The following HS6ST3 variants were observed in gnomAD, a reference collection of about 807,000 sequenced individuals.
HS6ST3 encodes the protein heparan-sulfate 6-O-sulfotransferase 3.
Under a neutral mutation model 36.7 loss-of-function variants are expected in HS6ST3, and 12 were observed. That is an observed-to-expected ratio of 0.33 (90% CI 0.21 to 0.53). HS6ST3 has a LOEUF of 0.53. Ranked by LOEUF, HS6ST3 falls within the 20% of genes least tolerant of loss-of-function variation. HS6ST3 has a pLI of 0.95. For missense variants in HS6ST3, 584 were observed against 640.9 expected, an observed-to-expected ratio of 0.91 and a Z score of 0.96; for synonymous variants, 240 against 257.5, an observed-to-expected ratio of 0.93 and a Z score of 0.65.
intron 1 of HS6ST3, among the ~76,000 whole-genome samples, chr13:96,607,759 T>A (rs2056443999): frequency 6.6e-6 from 1 of 152,194 alleles, no homozygotes. Context: ...TGATGTATCA[T>A]CCCGTGTCCT....
chr13:96,458,696 T>G (rs1042380319), intron 1 of HS6ST3, among the ~76,000 whole-genome samples: 1 of 151,588 alleles, frequency 6.6e-6, no homozygotes, highest in African/African-American at 2.4e-5. Context: ...AATTCATGGA[T>G]CATATGTCCA....
intron 1 of HS6ST3, among the ~76,000 whole-genome samples, chr13:96,782,024 A>G (rs1456069455): frequency 6.6e-6 from 1 of 152,146 alleles, no homozygotes; most frequent in Non-Finnish European, 1.5e-5. Flanking sequence ...AAACTCCGAG[A>G]TCTGTTAGGA....
At chr13:96,770,021 G>C (rs1005256632) in intron 1 of HS6ST3, among the ~76,000 whole-genome samples, 2 of 152,170 alleles carry the variant, frequency 1.3e-5, no homozygotes, top group African/African-American at 4.8e-5. Context: ...GCATTTTGCT[G>C]TCAGTGGCTT....
At chr13:96,487,260 T>A (rs1359268354) in intron 1 of HS6ST3, among the ~76,000 whole-genome samples, 2 of 152,182 alleles carry the variant, frequency 1.3e-5, no homozygotes, top group East Asian at 1.9e-4. Flanking sequence ...ACTCTAATAG[T>A]GCAATGTTAT....
At chr13:96,164,945 C>A (rs75714507) in intron 1 of HS6ST3, among the ~76,000 whole-genome samples, 2,038 of 152,080 alleles carry the variant, frequency 0.013, 38 homozygotes, top group African/African-American at 0.046. Context: ...TTCTTTCTTT[C>A]TGATTCAGTG....
At chr13:96,509,311 T>C (rs2056039437) in intron 1 of HS6ST3, among the ~76,000 whole-genome samples, 1 of 152,130 alleles carries the variant, frequency 6.6e-6, no homozygotes, top group South Asian at 2.1e-4. Context: ...GTTGTCTGTT[T>C]ACTCTATTAT....
At chr13:96,655,016 A>T (rs1270930034) in intron 1 of HS6ST3, among the ~76,000 whole-genome samples, 2 of 152,124 alleles carry the variant, frequency 1.3e-5, no homozygotes, top group East Asian at 3.9e-4. Flanking sequence ...TGAATAAGGA[A>T]CTTCTTGGCT....
intron 1 of HS6ST3, among the ~76,000 whole-genome samples, chr13:96,603,022 T>A (rs1039392987): frequency 2.6e-5 from 4 of 152,344 alleles, no homozygotes; most frequent in Admixed American, 6.5e-5. Flanking sequence ...CTTTCTTAGC[T>A]TTTGTGAAAG....
chr13:96,501,814 GT>G (rs1204552057), intron 1 of HS6ST3, among the ~76,000 whole-genome samples: 1 of 152,208 alleles, frequency 6.6e-6, no homozygotes, highest in African/African-American at 2.4e-5. Flanking sequence ...AAATTTGTTG[GT>G]TGTTTAGGGC....
At chr13:96,209,866 C>G (rs1419894684) in intron 1 of HS6ST3, among the ~76,000 whole-genome samples, 1 of 152,176 alleles carries the variant, frequency 6.6e-6, no homozygotes, top group Non-Finnish European at 1.5e-5. Flanking sequence ...GACCATACCT[C>G]CTGTCCAGAC....
intron 1 of HS6ST3, among the ~76,000 whole-genome samples, chr13:96,417,369 AAG>A (rs2055538735): frequency 6.6e-6 from 1 of 152,160 alleles, no homozygotes; most frequent in Non-Finnish European, 1.5e-5. Flanking sequence ...CCAGCCAAGA[AAG>A]AGAGAGGAAT....
At chr13:96,694,846 T>C (rs557898012) in intron 1 of HS6ST3, among the ~76,000 whole-genome samples, 2 of 152,040 alleles carry the variant, frequency 1.3e-5, no homozygotes, top group South Asian at 4.1e-4. Flanking sequence ...TCTTTTGAAG[T>C]CATAGTTTTA....
At chr13:96,131,672 G>A (rs1325769417) in intron 1 of HS6ST3, among the ~76,000 whole-genome samples, 3 of 149,978 alleles carry the variant, frequency 2.0e-5, no homozygotes, top group Non-Finnish European at 4.4e-5. Flanking sequence ...TTGAAATTTT[G>A]TATCCTTTGA....
chr13:96,381,343 C>CAT lies in HS6ST3; in HGVS notation c.707+289783_707+289784dup, dbSNP rs917232184. 1.5e-4 allele frequency among the ~76,000 whole-genome samples: 23 copies of CAT among 150,582 alleles called. 1 individual carries two copies. The highest frequency in any genetic ancestry group is 3.3e-4 in the Non-Finnish European group (22 of 67,538). ...GTATGTAAAATCTATATTATATATA[C>CAT]ATATATATATGTGTGTGTATATCTA... On this transcript the variant is annotated intron_variant, in intron 1 of 1. Transcript: ENST00000376705.
chr13:96,113,061 G>GCCCT (rs1555386259), intron 1 of HS6ST3, among the ~76,000 whole-genome samples: 1 of 152,134 alleles, frequency 6.6e-6, no homozygotes, highest in Non-Finnish European at 1.5e-5. Context: ...AATGGGCACT[G>GCCCT]CCCTCATGGT....
intron 1 of HS6ST3, among the ~76,000 whole-genome samples, chr13:96,388,647 T>C (rs2055380497): frequency 6.6e-6 from 1 of 152,222 alleles, no homozygotes; most frequent in South Asian, 2.1e-4. Context: ...GCTGTGTCCC[T>C]ATCCTTCACC....
intron 1 of HS6ST3, among the ~76,000 whole-genome samples, chr13:96,196,416 T>TGAAAGGTAAATCAGACAGGAGGG: frequency 6.6e-6 from 1 of 152,100 alleles, no homozygotes; most frequent in African/African-American, 2.4e-5. Context: ...CTCTACTTTT[T>TGAAAGGTAAATCAGACAGGAGGG]GAAAGGTAAA....
intron 1 of HS6ST3, among the ~76,000 whole-genome samples, chr13:96,328,593 T>C (rs1458822513): frequency 6.6e-6 from 1 of 151,582 alleles, no homozygotes; most frequent in East Asian, 1.9e-4. Context: ...CAGTATTTTA[T>C]TGAGGATTTT....
At chr13:96,372,142 G>A (rs776525334) in intron 1 of HS6ST3, among the ~76,000 whole-genome samples, 8 of 152,042 alleles carry the variant, frequency 5.3e-5, no homozygotes, top group African/African-American at 1.4e-4. Flanking sequence ...TCTTGTCAGC[G>A]CTTGTTATCT....
Sources: gnomAD v4.1 joint callset for allele counts (sites outside exome capture counted in the v4.1 genomes callset) on GRCh38, gnomAD v4.1.1 for gene constraint, MANE v1.5 for transcripts, NCBI Gene and HGNC (gene_info 2026-07-23, HGNC 2026-07-21) for gene names.